The following APOH variants were observed in gnomAD, a reference collection of about 807,000 sequenced individuals.
APOH encodes beta-2-glycoprotein 1.
Under a neutral mutation model 39.8 loss-of-function variants are expected in APOH, and 48 were observed. The ratio of observed to expected loss-of-function variants is 1.21; its 90% confidence interval spans 0.96 to 1.54. The LOEUF is 1.54. Among genes scored for constraint, APOH ranks in the 40% most tolerant of loss-of-function variants. APOH has a pLI of 0.00. For missense variants in APOH, 415 were observed against 421.2 expected, an observed-to-expected ratio of 0.99 and a Z score of 0.13; for synonymous variants, 153 against 151.1, an observed-to-expected ratio of 1.01 and a Z score of -0.09.
At chr17:66,215,299 G>T (rs2073358232) in intron 6 of APOH, among the ~76,000 whole-genome samples, 1 of 152,156 alleles carries the variant, frequency 6.6e-6, no homozygotes, top group East Asian at 1.9e-4. Context: ...CCCTGGCTCG[G>T]CAGCATTAGC....
In APOH at chr17:66,227,229, T is replaced by C. The variant is rs2073445607; in HGVS notation, c.241+791A>G. ...CCCTAATGATGTTACATTGGCTTTT[T>C]ACTAAAAATTATGTTTAGGCTCTTT... On this transcript the variant is annotated intron_variant, in intron 2 of 7. Transcript: ENST00000205948. Among the ~76,000 whole-genome samples the C allele has an allele frequency of 2.0e-5, 3 of 152,190 alleles. No individual in the cohort carries two copies. The South Asian group carries it at 6.2e-4, about 32-fold the overall frequency.
At chr17:66,219,498 G>A (rs2073384726) in intron 5 of APOH, among the ~76,000 whole-genome samples, 1 of 152,206 alleles carries the variant, frequency 6.6e-6, no homozygotes, top group African/African-American at 2.4e-5. Context: ...CTGGCCCATA[G>A]TTGAGTGCCC....
chr17:66,226,786 A>C lies in APOH; in HGVS notation c.242-662T>G, dbSNP rs187658008. Among the ~76,000 whole-genome samples the C allele has an allele frequency of 2.4e-3, 362 of 152,364 alleles. 1 individual carries two copies. The highest frequency in any genetic ancestry group is 8.2e-3 in the African/African-American group (339 of 41,586). The stretch of plus-strand genomic sequence containing the variant: ...TGCTGATGAAAACAGAAAAATACAA[A>C]ATTATACCTGCTCTCTGCAGTAATG... On this transcript the variant is annotated intron_variant, in intron 2 of 7. Transcript: ENST00000205948.
In APOH at chr17:66,226,011, T is replaced by C. The variant is rs1411723323; in HGVS notation, c.338+17A>G. On this transcript the variant is annotated intron_variant, in intron 3 of 7. Coordinates refer to ENST00000205948, the MANE Select transcript of APOH (RefSeq NM_000042.3). ...GTGCTCAGTCTGTTAACTGCTTAGT[T>C]CCATGAAAGTTCTTACCCAGTGTTA... 6.3e-7 allele frequency: 1 copy of C among 1,578,524 alleles called. No individual in the cohort carries two copies. Among genetic ancestry groups the C allele is most frequent in the Middle Eastern group, 1.7e-4 (1 of 6,008 alleles).
At chr17:66,229,219 G>A in intron 1 of APOH, 97 bp downstream of exon 1, 1 of 993,250 alleles carries the variant, frequency 1.0e-6, no homozygotes, top group South Asian at 1.5e-5. Context: ...TTACAGATGT[G>A]AGCAAGCACG....
chr17:66,227,263 A>G (rs1455075124), intron 2 of APOH, among the ~76,000 whole-genome samples: 1 of 152,194 alleles, frequency 6.6e-6, no homozygotes, highest in Non-Finnish European at 1.5e-5. Flanking sequence ...TTAAGCAAAA[A>G]AGCATAGTAA....
rs2073353052 is a variant in APOH at position 66,214,509 on chromosome 17, T to C, written c.926A>G (p.Tyr309Cys). Residue 309 changes from tyrosine (Y) to cysteine (C), a missense_variant, in exon 7 of 8, where the codon TAT (tyrosine) becomes TGT (cysteine). Physicochemically the swap from Tyr to Cys is radical, Grantham distance 194. Transcript: ENST00000205948. ...FCKNKEKKCS[Y>C]TEDAQCIDGT... ...ATCTATACACTGAGCATCCTCTGTA[T>C]AGCTACACTTCTTTTCCTTATTTTT... is the stretch of plus-strand genomic sequence containing the variant. 6.2e-7 allele frequency: 1 copy of C among 1,614,198 alleles called. No homozygotes were observed. Among genetic ancestry groups the C allele is most frequent in the East Asian group, 2.2e-5 (1 of 44,886 alleles).
chr17:66,215,374 A>G (rs2073358788), intron 6 of APOH, among the ~76,000 whole-genome samples: 1 of 152,084 alleles, frequency 6.6e-6, no homozygotes, highest in African/African-American at 2.4e-5. Context: ...CAAATCAGAA[A>G]CTCTAAGAGT....
chr17:66,216,159 T>C, intron 6 of APOH, among the ~76,000 whole-genome samples: 1 of 127,846 alleles, frequency 7.8e-6, no homozygotes, highest in Admixed American at 7.7e-5. Context: ...AGAGTGAGAC[T>C]CCATCTCAAA....
chr17:66,216,248 C>T (rs7214731), intron 6 of APOH, among the ~76,000 whole-genome samples: 60,317 of 151,346 alleles, frequency 0.4, 13,650 homozygotes, highest in East Asian at 0.79. Flanking sequence ...CTACAGAGGC[C>T]GAGGCGGGCG....
chr17:66,226,297 A>C (rs148648987), intron 2 of APOH, among the ~76,000 whole-genome samples, 173 bp from the exon 3 acceptor site: 7 of 152,358 alleles, frequency 4.6e-5, no homozygotes, highest in Non-Finnish European at 8.8e-5. Flanking sequence ...AAATAAGACA[A>C]GTGATATATG....
intron 3 of APOH, among the ~76,000 whole-genome samples, chr17:66,225,673 C>G (rs1462769628): frequency 6.6e-6 from 1 of 152,124 alleles, no homozygotes; most frequent in Non-Finnish European, 1.5e-5. Flanking sequence ...CTCAATGCTA[C>G]AAGACCATCC....
chr17:66,226,513 T>C (rs745753329), intron 2 of APOH, among the ~76,000 whole-genome samples: 7 of 151,844 alleles, frequency 4.6e-5, no homozygotes, highest in East Asian at 1.9e-4. Context: ...TGGGTGCCTG[T>C]AGTCCCAGCT....
chr17:66,216,994 T>A, intron 5 of APOH, 27 bp from the exon 6 acceptor site: 1 of 1,541,844 alleles, frequency 6.5e-7, no homozygotes, highest in Non-Finnish European at 8.8e-7. Flanking sequence ...ATAAGACATA[T>A]TAGTAATAAA....
At chr17:66,215,027 TTG>T (rs370037564) in intron 6 of APOH, among the ~76,000 whole-genome samples, 5 of 152,090 alleles carry the variant, frequency 3.3e-5, no homozygotes, top group African/African-American at 1.2e-4. Flanking sequence ...CCACCAGCCA[TTG>T]TGAGTGTTGG....
intron 5 of APOH, among the ~76,000 whole-genome samples, chr17:66,219,302 T>C (rs958859477): frequency 6.6e-6 from 1 of 152,140 alleles, no homozygotes; most frequent in Non-Finnish European, 1.5e-5. Context: ...AGTATCGTAA[T>C]ATATACAACT....
intron 4 of APOH, among the ~76,000 whole-genome samples, chr17:66,222,004 G>A (rs1231371305): frequency 6.6e-6 from 1 of 152,132 alleles, no homozygotes; most frequent in Non-Finnish European, 1.5e-5. Flanking sequence ...AAGGTGCCCA[G>A]GAGACTCATA....
intron 2 of APOH, 97 bp downstream of exon 2, chr17:66,227,923 G>T: frequency 7.6e-7 from 1 of 1,315,826 alleles, no homozygotes. Context: ...AGCATCTACT[G>T]GCCCTCTGCA....
intron 4 of APOH, among the ~76,000 whole-genome samples, chr17:66,223,411 A>G (rs957969218): frequency 6.6e-6 from 1 of 152,254 alleles, no homozygotes; most frequent in African/African-American, 2.4e-5. Flanking sequence ...CTTCCAAAGC[A>G]CTATGAGAGC....
Sources: gnomAD v4.1 joint callset for allele counts (sites outside exome capture counted in the v4.1 genomes callset) on GRCh38, gnomAD v4.1.1 for gene constraint, MANE v1.5 for transcripts, NCBI Gene and HGNC (gene_info 2026-07-23, HGNC 2026-07-21) for gene names.